Variants in PRKAR2A observed in about 807,000 individuals in gnomAD.
PRKAR2A encodes the protein cAMP-dependent protein kinase type II-alpha regulatory subunit.
Under a neutral mutation model 51.9 loss-of-function variants are expected in PRKAR2A, and 29 were observed. The observed-to-expected ratio is 0.56, with a 90% CI of 0.42 to 0.76. The LOEUF (loss-of-function observed/expected upper bound fraction) is 0.76, where lower values mean the gene tolerates loss of function less well. PRKAR2A is among the 30% of genes least tolerant of loss of function. The pLI, the probability that PRKAR2A is intolerant of heterozygous loss-of-function variation, is 0.00. For missense variants in PRKAR2A, 445 were observed against 512.1 expected, an observed-to-expected ratio of 0.87 and a Z score of 1.26; for synonymous variants, 178 against 186.2, an observed-to-expected ratio of 0.96 and a Z score of 0.36.
intron 1 of PRKAR2A, among the ~76,000 whole-genome samples, chr3:48,813,280 G>GT (rs2082808854): frequency 2.6e-5 from 4 of 151,508 alleles, no homozygotes. Context: ...GTATGCACGT[G>GT]TAGTCCTAGA....
At chr3:48,788,461 ATGCCTGGCCTCATTCTTT>A (rs1297041261) in intron 4 of PRKAR2A, among the ~76,000 whole-genome samples, 1 of 152,148 alleles carries the variant, frequency 6.6e-6, no homozygotes, top group Non-Finnish European at 1.5e-5. Flanking sequence ...GTGAGCCCCC[ATGCCTGGCCTCATTCTTT>A]TAATGTGTGG....
At chr3:48,753,843 C>A (rs1204655494) in intron 9 of PRKAR2A, among the ~76,000 whole-genome samples, 2 of 151,966 alleles carry the variant, frequency 1.3e-5, no homozygotes, top group African/African-American at 4.8e-5. Flanking sequence ...AATCTACAAA[C>A]ATCACTAGTC....
intron 2 of PRKAR2A, 105 bp from the exon 3 acceptor site, chr3:48,794,154 CTTT>C (rs368082715): frequency 9.6e-4 from 632 of 658,830 alleles, no homozygotes; most frequent in East Asian, 1.3e-3. Flanking sequence ...GTTTTCTTTT[CTTT>C]TTTTTTTTTT....
chr3:48,796,691 T>C (rs1026091475), intron 2 of PRKAR2A, among the ~76,000 whole-genome samples: 20 of 142,954 alleles, frequency 1.4e-4, no homozygotes, highest in African/African-American at 5.2e-4. Flanking sequence ...TTTTTTGCCA[T>C]GTTGGCCAGG....
chr3:48,762,677 C>T (rs1320523401), intron 8 of PRKAR2A, among the ~76,000 whole-genome samples: 2 of 152,016 alleles, frequency 1.3e-5, no homozygotes, highest in Non-Finnish European at 2.9e-5. Context: ...AAGAGAATAG[C>T]TTGAACCTGG....
At chr3:48,764,071 G>A (rs1011511030) in intron 8 of PRKAR2A, among the ~76,000 whole-genome samples, 3 of 152,070 alleles carry the variant, frequency 2.0e-5, no homozygotes, top group African/African-American at 4.8e-5. Flanking sequence ...TTTCCTCCTC[G>A]TAGTCTCAGT....
chr3:48,846,537 T>C (rs2083465710), intron 1 of PRKAR2A, among the ~76,000 whole-genome samples: 1 of 152,032 alleles, frequency 6.6e-6, no homozygotes. Flanking sequence ...TTTTCAAAAA[T>C]GAGGTAGGGT....
In PRKAR2A at chr3:48,777,875, C is replaced by T. The variant is rs151070917; in HGVS notation, c.543-4767G>A. Among the ~76,000 whole-genome samples, 21 of 152,230 alleles carry T rather than the reference C, an allele frequency of 1.4e-4. 1 individual carries two copies. The East Asian group carries it at 4.1e-3, about 29-fold the overall frequency. Reference sequence around the variant, plus strand: ...CTGTCCTAGGCCTTTATAGACAAGGCAAAATAAGCTTATAAATAGGAAACA... The same window carrying T: ...CTGTCCTAGGCCTTTATAGACAAGGTAAAATAAGCTTATAAATAGGAAACA... On this transcript the variant is annotated intron_variant, in intron 5 of 10. Transcript: ENST00000265563.
chr3:48,787,864 T>C (rs1201902966), intron 4 of PRKAR2A, among the ~76,000 whole-genome samples: 1 of 152,174 alleles, frequency 6.6e-6, no homozygotes, highest in African/African-American at 2.4e-5. Flanking sequence ...CCAGCCCAGA[T>C]TCCTAAGGAG....
chr3:48,776,885 C>T (rs2082113832), intron 5 of PRKAR2A, among the ~76,000 whole-genome samples: 1 of 151,644 alleles, frequency 6.6e-6, no homozygotes, highest in Non-Finnish European at 1.5e-5. Flanking sequence ...ATGCTTAAAA[C>T]AGATTAAAAA....
intron 1 of PRKAR2A, among the ~76,000 whole-genome samples, chr3:48,834,090 A>G (rs1183626324): frequency 6.6e-6 from 1 of 152,060 alleles, no homozygotes; most frequent in Non-Finnish European, 1.5e-5. Flanking sequence ...CCACCCAGCC[A>G]TACTCTCATA....
chr3:48,767,843 G>C (rs894644595), intron 6 of PRKAR2A, among the ~76,000 whole-genome samples: 3 of 151,726 alleles, frequency 2.0e-5, no homozygotes, highest in African/African-American at 7.3e-5. Flanking sequence ...AGAATCGCTT[G>C]AACCTGGGAG....
At chr3:48,794,112 T>G in intron 2 of PRKAR2A, 63 bp from the exon 3 acceptor site, 1 of 1,282,560 alleles carries the variant, frequency 7.8e-7, no homozygotes, top group East Asian at 2.3e-5. Flanking sequence ...TTAGGAAAAA[T>G]AGGAAGTGAA....
At chr3:48,839,531 C>G (rs1282953391) in intron 1 of PRKAR2A, among the ~76,000 whole-genome samples, 1 of 151,932 alleles carries the variant, frequency 6.6e-6, no homozygotes, top group Non-Finnish European at 1.5e-5. Flanking sequence ...TAAGTTTATA[C>G]TCTTCAGGCA....
intron 1 of PRKAR2A, among the ~76,000 whole-genome samples, chr3:48,835,582 G>A (rs1471453075): frequency 4.0e-5 from 6 of 150,618 alleles, no homozygotes; most frequent in Non-Finnish European, 7.4e-5. Flanking sequence ...AGAACTTGCA[G>A]TGAGCGGAGA....
At chr3:48,807,415 A>G (rs530932616) in intron 2 of PRKAR2A, among the ~76,000 whole-genome samples, 1 of 152,326 alleles carries the variant, frequency 6.6e-6, no homozygotes, top group East Asian at 1.9e-4. Context: ...TAAACATGAA[A>G]AAACAGTAAT....
At chr3:48,781,268 G>A (rs1016983104) in intron 5 of PRKAR2A, among the ~76,000 whole-genome samples, 11 of 150,838 alleles carry the variant, frequency 7.3e-5, no homozygotes, top group African/African-American at 2.4e-4. Context: ...TTACAGGTGT[G>A]AGCCACCACG....
intron 1 of PRKAR2A, among the ~76,000 whole-genome samples, chr3:48,828,708 CAAAAAAAAAAA>C (rs547132768): frequency 3.6e-5 from 3 of 83,502 alleles, no homozygotes; most frequent in African/African-American, 9.4e-5. Flanking sequence ...CCCCTGTCTC[CAAAAAAAAAAA>C]AAAAAAAAAA....
At chr3:48,801,783 C>CTGGA (rs2082594782) in intron 2 of PRKAR2A, among the ~76,000 whole-genome samples, 1 of 152,010 alleles carries the variant, frequency 6.6e-6, no homozygotes, top group African/African-American at 2.4e-5. Context: ...GTTGCCCAGG[C>CTGGA]TGGAGTGCAA....
Sources: allele counts gnomAD v4.1 joint callset (sites outside exome capture counted in the v4.1 genomes callset), GRCh38; gene constraint gnomAD v4.1.1; transcripts MANE v1.5; gene names NCBI Gene and HGNC (gene_info 2026-07-23, HGNC 2026-07-21).